Variants in STRN observed in about 807,000 individuals in gnomAD.
STRN encodes protein phosphatase 2 regulatory subunit B'''alpha.
A neutral mutation model predicts 96.3 loss-of-function variants in STRN; 53 were observed. The ratio of observed to expected loss-of-function variants is 0.55; its 90% CI spans 0.44 to 0.69. STRN has a LOEUF of 0.69. STRN is among the 30% of genes least tolerant of loss of function. The probability of loss-of-function intolerance (pLI) is 0.00; values close to 1 mark genes in which losing one functional copy is unlikely to be tolerated. For missense variants in STRN, 987 were observed against 963.9 expected (o/e 1.02, Z -0.32); for synonymous variants, 428 against 355.9 (o/e 1.20, Z -2.28).
In STRN at chr2:36,899,508, A is replaced by C. The variant is rs75193488; in HGVS notation, c.795+15T>G. On this transcript the variant is annotated intron_variant, in intron 6 of 17. Transcript: ENST00000263918. ...TCCCTAAAAATATTTATATTGTATG[A>C]GTTATCTAACTCACTGTTGAAGTAT... 4,815 of 1,604,928 alleles carry C rather than the reference A, an allele frequency of 3.0e-3. 139 individuals carry two copies. The African/African-American group carries it at 0.058, about 19-fold the overall frequency.
At chr2:36,964,180 C>CGCG (rs1553408121) in intron 1 of STRN, among the ~76,000 whole-genome samples, 1 of 74,700 alleles carries the variant, frequency 1.3e-5, no homozygotes, top group African/African-American at 8.0e-5. Context: ...GTGAACGGGG[C>CGCG]GGGGCGGGGG....
chr2:36,902,547 A>G (rs2148200123), intron 5 of STRN, 37 bp downstream of exon 5: 2 of 1,543,238 alleles, frequency 1.3e-6, no homozygotes, highest in East Asian at 2.3e-5. Context: ...AATAAGAACT[A>G]ATAATAGCTA....
intron 13 of STRN, among the ~76,000 whole-genome samples, chr2:36,860,750 G>A (rs929272343): frequency 6.6e-6 from 1 of 152,082 alleles, no homozygotes; most frequent in Non-Finnish European, 1.5e-5. Context: ...TTGACCAAGG[G>A]GATGGCACCA....
In STRN at chr2:36,896,454, T is replaced by G. The variant is rs569418236; in HGVS notation, c.796-2421A>C. On this transcript the variant is annotated intron_variant, in intron 6 of 17. Transcript: ENST00000263918. ...AGAACAGGATCAGAATCGGAAGAGG[T>G]AGAGTTTGTAATAATAAGCATGTAT... 2.6e-5 allele frequency among the ~76,000 whole-genome samples: 4 copies of G among 152,222 alleles called. No homozygotes were observed. In the East Asian group the frequency reaches 7.7e-4, roughly 29 times the overall value.
At chr2:36,878,158 A>G (rs912994509) in intron 9 of STRN, 131 bp from the exon 10 acceptor site, 3 of 989,920 alleles carry the variant, frequency 3.0e-6, no homozygotes, top group Non-Finnish European at 4.3e-6. Context: ...TAAACACAAT[A>G]AAATTCAGTG....
chr2:36,959,039 C>A (rs1321076510), intron 1 of STRN, among the ~76,000 whole-genome samples: 1 of 152,112 alleles, frequency 6.6e-6, no homozygotes, highest in Non-Finnish European at 1.5e-5. Context: ...TTGCTTGAAC[C>A]CAGGAGGCGG....
At chr2:36,963,464 A>G (rs1665077928) in intron 1 of STRN, among the ~76,000 whole-genome samples, 1 of 152,240 alleles carries the variant, frequency 6.6e-6, no homozygotes, top group African/African-American at 2.4e-5. Context: ...TAGCAAAAGA[A>G]AAATAAAGAA....
rs117983461 is a variant in STRN, at chr2:36,959,146, A to C, written c.234+7084T>G. Among the ~76,000 whole-genome samples the C allele has an allele frequency of 3.3e-4, 50 of 152,244 alleles. No homozygotes were observed. The East Asian group carries it at 9.1e-3, about 28-fold the overall frequency. ...AAGAAAAAGAAATCTATACTGTGAC[A>C]CATCATAATGAAACTACATAACACC... On this transcript the variant is annotated intron_variant, in intron 1 of 17. Coordinates refer to ENST00000263918, the MANE Select transcript of STRN (RefSeq NM_003162.4).
intron 1 of STRN, among the ~76,000 whole-genome samples, chr2:36,943,185 GA>G (rs922637598): frequency 1.3e-5 from 2 of 151,650 alleles, no homozygotes; most frequent in African/African-American, 4.8e-5. Flanking sequence ...AACATAGAAG[GA>G]AAAAAACAAA....
At chr2:36,927,528 G>T (rs959838796) in intron 1 of STRN, among the ~76,000 whole-genome samples, 15 of 146,098 alleles carry the variant, frequency 1.0e-4, no homozygotes, top group African/African-American at 2.7e-4. Context: ...AAAAAAAGGG[G>T]GGGGGGGGTG....
rs906530930 is a variant in STRN at position 36,849,131 on chromosome 2, C to T, written c.*325G>A. The T allele has an allele frequency of 1.6e-5, 4 of 243,776 alleles. No homozygotes were observed. The highest frequency in any genetic ancestry group is 8.9e-5 in the African/African-American group (4 of 44,868). 15.1% of individuals were successfully genotyped at this position (243,776 alleles called of 1,614,324 possible). On this transcript the variant is annotated 3_prime_UTR_variant, in exon 18 of 18. Coordinates refer to ENST00000263918, the MANE Select transcript of STRN (RefSeq NM_003162.4). ...AAATTATCCATTGTAGCATGCCCTA[C>T]TTACTCAACAGGGACAAGCTAAACT... is the stretch of plus-strand genomic sequence containing the variant.
rs1667981971 is a variant in STRN at position 36,842,793 on chromosome 2, T to A, written c.*6663A>T. ...TTGTGTTTCAGAAAACGGATTCCAA[T>A]TTTCAGAGCCGTATGTCAGTGCTTC... On this transcript the variant is annotated 3_prime_UTR_variant, in exon 18 of 18. Transcript: ENST00000263918. 6.6e-6 allele frequency among the ~76,000 whole-genome samples: 1 copy of A among 152,166 alleles called. No individual in the cohort carries two copies. The highest frequency in any genetic ancestry group is 6.6e-5 in the Admixed American group (1 of 15,256).
chr2:36,883,821 C>G, intron 9 of STRN, 111 bp downstream of exon 9: 1 of 1,051,158 alleles, frequency 9.5e-7, no homozygotes, highest in Non-Finnish European at 1.2e-6. Context: ...CTATGCAGAT[C>G]AAACATCTGC....
Position 36,899,664 on chromosome 2 carries a change from G to A in STRN, c.660-6C>T, listed in dbSNP as rs376549055. The A allele has an allele frequency of 3.8e-6, 6 of 1,598,930 alleles. No homozygotes were observed. The South Asian group carries it at 4.5e-5, about 12-fold the overall frequency. On this transcript the variant is annotated splice_region_variant and splice_polypyrimidine_tract_variant and intron_variant, in intron 5 of 17. Transcript: ENST00000263918. ...AATCTGTTAACTCAGATTTTCTGGT[G>A]TAAAACATGTATATCCTGCTTAGTT...
At chr2:36,868,057 A>G (rs891663650) in intron 11 of STRN, among the ~76,000 whole-genome samples, 196 bp from the exon 12 acceptor site, 1 of 152,240 alleles carries the variant, frequency 6.6e-6, no homozygotes, top group South Asian at 2.1e-4. Context: ...TTTAGTAATA[A>G]TATCATGTTA....
chr2:36,915,382 A>G (rs1046806837), intron 3 of STRN, among the ~76,000 whole-genome samples: 2 of 150,856 alleles, frequency 1.3e-5, no homozygotes, highest in African/African-American at 4.9e-5. Context: ...AAACGTACCT[A>G]TCTGAAACAT....
chr2:36,869,439 A>G, intron 11 of STRN, 115 bp downstream of exon 11: 2 of 1,023,816 alleles, frequency 2.0e-6, no homozygotes, highest in Non-Finnish European at 2.7e-6. Context: ...CATGACATGG[A>G]AGAAAGAACT....
At chr2:36,851,175 A>G in intron 15 of STRN, 68 bp from the exon 16 acceptor site, 3 of 1,385,884 alleles carry the variant, frequency 2.2e-6, no homozygotes, top group Non-Finnish European at 3.0e-6. Flanking sequence ...GGAGAACTGA[A>G]TTATCTATCT....
intron 1 of STRN, among the ~76,000 whole-genome samples, chr2:36,940,763 C>T (rs1372754719): frequency 1.4e-5 from 2 of 144,900 alleles, no homozygotes; most frequent in African/African-American, 2.6e-5. Context: ...TGTGAACCCG[C>T]GAAGCAGAGC....
Sources: gnomAD v4.1 joint callset for allele counts (sites outside exome capture counted in the v4.1 genomes callset) on GRCh38, gnomAD v4.1.1 for gene constraint, MANE v1.5 for transcripts, NCBI Gene and HGNC (gene_info 2026-07-23, HGNC 2026-07-21) for gene names.